The following LRTM2 variants were observed in gnomAD, a reference collection of about 807,000 sequenced individuals.
LRTM2 encodes the protein leucine-rich repeat and transmembrane domain-containing protein 2.
In LRTM2, 18 loss-of-function variants were observed where a neutral mutation model predicts 28.1. The observed-to-expected ratio is 0.64, with a 90% confidence interval of 0.44 to 0.95. The LOEUF is 0.95. LRTM2 is among the 40% of genes least tolerant of loss of function. The pLI, the probability that LRTM2 is intolerant of heterozygous loss-of-function variation, is 0.00. For synonymous variants in LRTM2, 250 were observed against 218.7 expected (o/e 1.14, Z -1.26); for missense variants, 436 against 497.2 (o/e 0.88, Z 1.17).
At position 1,828,857 on chromosome 12, in the gene LRTM2, T is replaced by C. The variant is rs1056414722; in HGVS notation, c.67+642T>C. ...GAATGAAGGCAACACTTGGCAGCTGTCAGGGTGAAAGGAGCCCTGAGAATT... is the reference window on the plus strand; with the variant it reads ...GAATGAAGGCAACACTTGGCAGCTGCCAGGGTGAAAGGAGCCCTGAGAATT... On this transcript the variant is annotated intron_variant, in intron 3 of 4. Transcript: ENST00000299194. This position sits in a 1 kb window ranked among gnomAD's most constrained non-coding sequence, Gnocchi z 4.2. 1.3e-5 allele frequency among the ~76,000 whole-genome samples: 2 copies of C among 152,150 alleles called. No individual in the cohort carries two copies. The highest frequency in any genetic ancestry group is 4.8e-5 in the African/African-American group (2 of 41,430).
rs1209762068 is a variant in LRTM2 at position 1,820,876 on chromosome 12, G to T, written c.-259+62G>T. ...TTGGTGGGGACAGGGGGTGGTCGGG[G>T]CATGGGAAGTGGGCACCGGCCATCT... On this transcript the variant is annotated intron_variant, in intron 1 of 4. Coordinates refer to ENST00000299194, the MANE Select transcript of LRTM2 (RefSeq NM_001039029.3). This position sits in a 1 kb window ranked among gnomAD's most constrained non-coding sequence, Gnocchi z 6.0. 2 of 152,278 alleles carry T rather than the reference G, an allele frequency of 1.3e-5. No individual in the cohort carries two copies. Among genetic ancestry groups the T allele is most frequent in the African/African-American group, 4.8e-5 (2 of 41,454 alleles). 9.4% of individuals were successfully genotyped at this position (152,278 alleles called of 1,614,324 possible).
chr12:1,832,800 C>A (rs753331561), intron 4 of LRTM2, among the ~76,000 whole-genome samples: 1 of 152,114 alleles, frequency 6.6e-6, no homozygotes, highest in African/African-American at 2.4e-5. Flanking sequence ...TGAGATAGAC[C>A]TTCTTATTTT....
At position 1,823,862 on chromosome 12, in the gene LRTM2, G is replaced by A. The variant is rs560469186; in HGVS notation, c.-259+3048G>A. 3.3e-5 allele frequency among the ~76,000 whole-genome samples: 5 copies of A among 152,322 alleles called. No homozygotes were observed. The South Asian group carries it at 8.3e-4, about 25-fold the overall frequency. On this transcript the variant is annotated intron_variant, in intron 1 of 4. Transcript: ENST00000299194. ...ACTGCAGAGGACCATTCAGAGGAAA[G>A]GCGGCATCTTCCTTTCCTACCTCTG...
In LRTM2 at chr12:1,831,103, A is replaced by G. The variant is rs200024746; in HGVS notation, c.236A>G (p.Lys79Arg). The G allele has an allele frequency of 4.3e-4, 694 of 1,614,050 alleles. 2 individuals are homozygous for G. The highest frequency in any genetic ancestry group is 3.3e-3 in the Middle Eastern group (20 of 6,062). Residue 79 changes from lysine to arginine, a missense_variant, in exon 4 of 5, where the codon AAG becomes AGG. Transcript: ENST00000299194. Reference protein sequence around the residue: ...ATRTLLLLNNKLSALPSWAFA... With the variant: ...ATRTLLLLNNRLSALPSWAFA... ...CGAACCCTCTTGCTCTTGAACAATAAGCTGAGTGCCCTGCCAAGCTGGGCT... is the reference window on the plus strand; with the variant it reads ...CGAACCCTCTTGCTCTTGAACAATAGGCTGAGTGCCCTGCCAAGCTGGGCT...
chr12:1,828,145 C>T lies in LRTM2; in HGVS notation c.-4C>T. 3 of 1,540,048 alleles carry T rather than the reference C, an allele frequency of 1.9e-6. No homozygotes were observed. Among genetic ancestry groups the T allele is most frequent in the South Asian group, 1.2e-5 (1 of 82,866 alleles). On this transcript the variant is annotated 5_prime_UTR_variant, in exon 3 of 5. Transcript: ENST00000299194. The surrounding 1 kb of genome is among the most constrained non-coding windows in gnomAD (Gnocchi z 4.2). ...ACAGGGCCCGGAGAGCCGTGGGCCT[C>T]ACCATGCTGGCGCCGGGCAGCAGCC... is the stretch of plus-strand genomic sequence containing the variant.
In LRTM2 at chr12:1,835,380, C is replaced by G. The variant is rs1296895731; in HGVS notation, c.*659C>G. The G allele has an allele frequency of 6.6e-6, 1 of 152,596 alleles. No homozygotes were observed. Among genetic ancestry groups the G allele is most frequent in the East Asian group, 1.9e-4 (1 of 5,192 alleles). The allele number at this position is 152,596 out of a possible 1,614,324, so 9.5% of individuals were successfully genotyped here. On this transcript the variant is annotated 3_prime_UTR_variant, in exon 5 of 5. Transcript: ENST00000299194. ...TGGATTCGCTAATTCACTCACACACCCATTGCATCACCAGTGCGGTCACAT... is the reference window on the plus strand; with the variant it reads ...TGGATTCGCTAATTCACTCACACACGCATTGCATCACCAGTGCGGTCACAT...
Position 1,828,971 on chromosome 12 carries a change from G to A in LRTM2, c.67+756G>A, listed in dbSNP as rs11061992. ...CAGGGAGGAAACGGTCCCGCGGGAC[G>A]GCATTCCGCCTGACTTCCCGCTCTG... On this transcript the variant is annotated intron_variant, in intron 3 of 4. Transcript: ENST00000299194. This position sits in a 1 kb window ranked among gnomAD's most constrained non-coding sequence, Gnocchi z 4.2. Among the ~76,000 whole-genome samples the A allele has an allele frequency of 9.0e-4, 137 of 152,318 alleles. No individual in the cohort carries two copies. Among genetic ancestry groups the A allele is most frequent in the Admixed American group, 1.8e-3 (28 of 15,302 alleles).
At chr12:1,827,094 G>A (rs112368031) in intron 1 of LRTM2, among the ~76,000 whole-genome samples, 121 of 152,316 alleles carry the variant, frequency 7.9e-4, no homozygotes, top group African/African-American at 2.7e-3. Context: ...CCCGTGGAGG[G>A]CGAAGGAGAG....
chr12:1,822,565 T>G (rs1016657688), intron 1 of LRTM2, among the ~76,000 whole-genome samples: 2 of 152,196 alleles, frequency 1.3e-5, no homozygotes, highest in Non-Finnish European at 2.9e-5. Context: ...CTCAGGAGGC[T>G]TCTCTGTTCT....
At position 1,829,692 on chromosome 12, in the gene LRTM2, G is replaced by T. The variant is rs768272324; in HGVS notation, c.68-1243G>T. Among the ~76,000 whole-genome samples, 3 of 147,908 alleles carry T rather than the reference G, an allele frequency of 2.0e-5. No individual in the cohort carries two copies. The highest frequency in any genetic ancestry group is 1.3e-4 in the Admixed American group (2 of 14,886). ...GTTCAGACCCAGCTCACAGCCCATC[G>T]GCCCACCCCGACCTGGGACAGCCAG... On this transcript the variant is annotated intron_variant, in intron 3 of 4. Coordinates refer to ENST00000299194, the MANE Select transcript of LRTM2 (RefSeq NM_001039029.3). This position sits in a 1 kb window ranked among gnomAD's most constrained non-coding sequence, Gnocchi z 4.2.
chr12:1,831,976 A>G (rs1371889278), intron 4 of LRTM2, among the ~76,000 whole-genome samples: 2 of 152,168 alleles, frequency 1.3e-5, no homozygotes, highest in African/African-American at 2.4e-5. Flanking sequence ...CTCCCCTTAC[A>G]TGAGAGGGGA....
intron 1 of LRTM2, among the ~76,000 whole-genome samples, chr12:1,826,405 C>CG (rs1864321273): frequency 2.5e-5 from 1 of 39,780 alleles, no homozygotes; most frequent in Non-Finnish European, 1.0e-4. Flanking sequence ...CCAGAGCCCC[C>CG]CCCCCCCCCC....
Position 1,829,400 on chromosome 12 carries a change from G to A in LRTM2, c.67+1185G>A, listed in dbSNP as rs1055329454. Among the ~76,000 whole-genome samples, 1 of 152,124 alleles carries A rather than the reference G, an allele frequency of 6.6e-6. No individual in the cohort carries two copies. Among genetic ancestry groups the A allele is most frequent in the African/African-American group, 2.4e-5 (1 of 41,414 alleles). ...AGCAGACGGGCTCAGAGGGGTGAGAGGGTGAGCGGAGACATGAGGTAACCC... is the reference window on the plus strand; with the variant it reads ...AGCAGACGGGCTCAGAGGGGTGAGAAGGTGAGCGGAGACATGAGGTAACCC... On this transcript the variant is annotated intron_variant, in intron 3 of 4. Transcript: ENST00000299194. This position sits in a 1 kb window ranked among gnomAD's most constrained non-coding sequence, Gnocchi z 4.2.
intron 4 of LRTM2, among the ~76,000 whole-genome samples, chr12:1,831,893 G>A (rs2078708654): frequency 6.6e-6 from 1 of 152,176 alleles, no homozygotes; most frequent in Non-Finnish European, 1.5e-5. Context: ...AAGTTTGCCT[G>A]TGGGCTTCCC....
chr12:1,827,739 A>G (rs567323844), intron 2 of LRTM2, 145 bp downstream of exon 2: 1 of 176,062 alleles, frequency 5.7e-6, no homozygotes, highest in South Asian at 2.0e-4. Context: ...GAATGCCCAG[A>G]TGGGAGACCA....
chr12:1,831,189 C>A lies in LRTM2; in HGVS notation c.322C>A (p.Pro108Thr), dbSNP rs781114635. ...DLSNNFLDRL[P>T]RSIFGDLTNL... The stretch of plus-strand genomic sequence containing the variant: ...GTCCAACAACTTCCTGGACCGGCTG[C>A]CCCGCTCCATTTTCGGGGACCTGAC... The change falls in exon 4 of 5, where the codon CCC becomes ACC. Residue 108 changes from proline (P) to threonine (T), a missense_variant. By Grantham distance (38) the Pro-to-Thr change is conservative (BLOSUM62 -1). Transcript: ENST00000299194. The A allele has an allele frequency of 6.2e-7, 1 of 1,613,458 alleles. No individual in the cohort carries two copies. Among genetic ancestry groups the A allele is most frequent in the Non-Finnish European group, 8.5e-7 (1 of 1,180,000 alleles).
chr12:1,822,157 G>T (rs535766961), intron 1 of LRTM2: 1 of 152,186 alleles, frequency 6.6e-6, no homozygotes, highest in Non-Finnish European at 1.5e-5. Context: ...GAGAGAGGCT[G>T]CTTAAGCAGC....
rs1032244677 is a variant in LRTM2, at chr12:1,829,475, C to T, written c.67+1260C>T. The stretch of plus-strand genomic sequence containing the variant: ...GGTGGCTTCCATGGCTGTACCTGTG[C>T]TCACTTCTCGCCAAGAACAGTGAGG... On this transcript the variant is annotated intron_variant, in intron 3 of 4. Transcript: ENST00000299194. The surrounding 1 kb of genome is among the most constrained non-coding windows in gnomAD (Gnocchi z 4.2). Among the ~76,000 whole-genome samples, 1 of 152,028 alleles carries T rather than the reference C, an allele frequency of 6.6e-6. No homozygotes were observed. Among genetic ancestry groups the T allele is most frequent in the Non-Finnish European group, 1.5e-5 (1 of 67,988 alleles).
At position 1,835,179 on chromosome 12, in the gene LRTM2, A is replaced by C; in HGVS notation, c.*458A>C. ...TTCTGAGACTCTCTCCTAAGCCAGA[A>C]AGACGTTCTTAACACCCCTGCAGTG... On this transcript the variant is annotated 3_prime_UTR_variant, in exon 5 of 5. Coordinates refer to ENST00000299194, the MANE Select transcript of LRTM2 (RefSeq NM_001039029.3). 6.2e-6 allele frequency: 1 copy of C among 161,902 alleles called. No individual in the cohort carries two copies. Among genetic ancestry groups the C allele is most frequent in the Admixed American group, 6.0e-5 (1 of 16,724 alleles). 10.0% of individuals were successfully genotyped at this position (161,902 alleles called of 1,614,324 possible). A position where few individuals can be genotyped will look rare whatever the true frequency, so the allele number is the denominator to read the frequency against.
Sources: allele counts gnomAD v4.1 joint callset (sites outside exome capture counted in the v4.1 genomes callset), GRCh38; gene constraint gnomAD v4.1.1; non-coding constraint Gnocchi (gnomAD v3.1); transcripts MANE v1.5; gene names NCBI Gene and HGNC (gene_info 2026-07-23, HGNC 2026-07-21).